The following SEM1 variants were observed in gnomAD, a reference collection of about 807,000 sequenced individuals.
SEM1 encodes the protein 26S proteasome complex subunit SEM1.
In SEM1, 3 loss-of-function variants were observed where a neutral mutation model predicts 12.7. That is an observed-to-expected ratio of 0.24 (90% CI 0.11 to 0.61). SEM1 has a LOEUF of 0.61. SEM1 is among the 20% of genes least tolerant of loss of function. The probability of loss-of-function intolerance (pLI) is 0.88; values close to 1 mark genes in which losing one functional copy is unlikely to be tolerated. For missense variants in SEM1, 59 were observed against 81.3 expected (o/e 0.73, Z 1.06); for synonymous variants, 30 against 27.8 (o/e 1.08, Z -0.25).
At chr7:96,494,963 G>T (rs886135278) in intron 1 of SEM1, among the ~76,000 whole-genome samples, 13 of 134,102 alleles carry the variant, frequency 9.7e-5, no homozygotes, top group Non-Finnish European at 1.7e-4. Context: ...GATATTTCAG[G>T]CCATAGAAAT....
At chr7:96,585,665 C>T (rs945513516) in intron 2 of SEM1, among the ~76,000 whole-genome samples, 1 of 152,234 alleles carries the variant, frequency 6.6e-6, no homozygotes, top group African/African-American at 2.4e-5. Flanking sequence ...GATATAATCT[C>T]CTGATGCGCT....
rs923569938 is a variant in SEM1, at chr7:96,640,281, T to C, written c.171-17638A>G. 4.6e-5 allele frequency among the ~76,000 whole-genome samples: 7 copies of C among 152,040 alleles called. No homozygotes were observed. The highest frequency in any genetic ancestry group is 1.7e-4 in the African/African-American group (7 of 41,440). On this transcript the variant is annotated intron_variant, in intron 2 of 2. Coordinates refer to the SEM1 transcript ENST00000417009. The surrounding 1 kb of genome is among the most constrained non-coding windows in gnomAD (Gnocchi z 4.0). ...ACAAAAACTTGCACACACACGTTTA[T>C]TGCAGGCTTATTCATAATTTTGCAA... is the stretch of plus-strand genomic sequence containing the variant.
intron 2 of SEM1, among the ~76,000 whole-genome samples, chr7:96,524,664 A>C (rs1804393715): frequency 6.6e-6 from 1 of 151,964 alleles, no homozygotes; most frequent in African/African-American, 2.4e-5. Context: ...CATTATATTA[A>C]AAAATTATTA....
At chr7:96,699,056 A>G (rs1790189749) in intron 1 of SEM1, among the ~76,000 whole-genome samples, 1 of 152,078 alleles carries the variant, frequency 6.6e-6, no homozygotes. Flanking sequence ...CCCTAGATTC[A>G]TCTCATCTTG....
At chr7:96,484,979 G>A (rs1289298237) in intron 2 of SEM1, 1 of 509,682 alleles carries the variant, frequency 2.0e-6, no homozygotes, top group Non-Finnish European at 3.3e-6. Flanking sequence ...CTGACAAAAA[G>A]CATTTATTAA....
At chr7:96,654,162 A>T (rs1478091056) in intron 2 of SEM1, among the ~76,000 whole-genome samples, 3 of 152,232 alleles carry the variant, frequency 2.0e-5, no homozygotes, top group Admixed American at 6.5e-5. Flanking sequence ...CATTTGGGCA[A>T]GAAGTACTCA....
chr7:96,493,095 T>C (rs1803090904), intron 1 of SEM1, among the ~76,000 whole-genome samples: 1 of 151,990 alleles, frequency 6.6e-6, no homozygotes, highest in Non-Finnish European at 1.5e-5. Context: ...TGCCTTAGCC[T>C]CCCAAGTAGT....
downstream of SEM1, among the ~76,000 whole-genome samples, chr7:96,685,436 T>C (rs2115762599): frequency 6.7e-6 from 1 of 150,360 alleles, no homozygotes; most frequent in African/African-American, 2.4e-5. Context: ...GCAGCAAACT[T>C]CATTTTTTCT....
chr7:96,656,764 CG>C (rs915121596), intron 2 of SEM1, among the ~76,000 whole-genome samples: 3 of 151,786 alleles, frequency 2.0e-5, no homozygotes, highest in Non-Finnish European at 4.4e-5. Context: ...AAGAATGCCA[CG>C]GGCTAGTAGT....
intron 2 of SEM1, chr7:96,645,619 G>A: frequency 2.5e-6 from 1 of 396,276 alleles, no homozygotes; most frequent in Non-Finnish European, 4.4e-6. Flanking sequence ...GGAGCACAGG[G>A]AGTGGGCACA....
intron 2 of SEM1, among the ~76,000 whole-genome samples, chr7:96,518,856 C>A (rs958938686): frequency 1.3e-5 from 2 of 152,144 alleles, no homozygotes; most frequent in African/African-American, 4.8e-5. Context: ...CATGCAATGG[C>A]CTGCATGGCC....
At chr7:96,521,087 T>C (rs1804254316) in intron 2 of SEM1, among the ~76,000 whole-genome samples, 1 of 152,074 alleles carries the variant, frequency 6.6e-6, no homozygotes, top group South Asian at 2.1e-4. Context: ...TTTTAAACTA[T>C]TTTGAGTCCA....
chr7:96,561,722 G>A (rs1805696263), intron 2 of SEM1, among the ~76,000 whole-genome samples: 1 of 152,208 alleles, frequency 6.6e-6, no homozygotes, highest in Admixed American at 6.5e-5. Context: ...CTCAGCTGAA[G>A]GGAATATAAA....
intron 2 of SEM1, among the ~76,000 whole-genome samples, chr7:96,665,274 C>G (rs1015129967): frequency 2.6e-5 from 4 of 152,168 alleles, no homozygotes; most frequent in African/African-American, 4.8e-5. Context: ...ACAGACCCCT[C>G]TGCAACACAG....
At chr7:96,622,330 CAAATA>C (rs1458982025), downstream of SEM1, 144 of 430,254 alleles carry the variant, frequency 3.3e-4, 1 homozygote, top group East Asian at 4.5e-3. Flanking sequence ...GGCCTTAAAT[CAAATA>C]AAAGACAGGA....
intron 2 of SEM1, among the ~76,000 whole-genome samples, chr7:96,562,385 T>C (rs2115921438): frequency 6.6e-6 from 1 of 152,292 alleles, no homozygotes; most frequent in East Asian, 1.9e-4. Flanking sequence ...GTATGAAGGA[T>C]ACAGTGCTAT....
At chr7:96,552,360 TCC>T in intron 2 of SEM1, among the ~76,000 whole-genome samples, 1 of 151,940 alleles carries the variant, frequency 6.6e-6, no homozygotes, top group Non-Finnish European at 1.5e-5. Context: ...CCCACAACAG[TCC>T]CCAGAGTGTG....
At chr7:96,560,513 T>C (rs891639037) in intron 2 of SEM1, among the ~76,000 whole-genome samples, 7 of 152,170 alleles carry the variant, frequency 4.6e-5, no homozygotes, top group African/African-American at 1.4e-4. Flanking sequence ...CAGTACTTGA[T>C]AGGATAAGAA....
chr7:96,678,847 A>G (rs1789521266), intron 2 of SEM1, among the ~76,000 whole-genome samples: 1 of 152,156 alleles, frequency 6.6e-6, no homozygotes, highest in African/African-American at 2.4e-5. Flanking sequence ...TGACTTAAAG[A>G]CAATTTTATT....
Sources: gnomAD v4.1 joint callset for allele counts (sites outside exome capture counted in the v4.1 genomes callset) on GRCh38, gnomAD v4.1.1 for gene constraint, Gnocchi (gnomAD v3.1) non-coding constraint, MANE v1.5 for transcripts, NCBI Gene and HGNC (gene_info 2026-07-23, HGNC 2026-07-21) for gene names.